The following ALK variants were observed in gnomAD, a reference collection of about 807,000 sequenced individuals.
ALK encodes ALK receptor tyrosine kinase, also known as ALK tyrosine kinase receptor.
In ALK, 74 loss-of-function variants were observed where a neutral mutation model predicts 163.1. That is an observed-to-expected ratio of 0.45 (90% CI 0.38 to 0.55). The LOEUF is 0.55. ALK is among the 20% of genes least tolerant of loss of function. The pLI is 0.00. For missense variants in ALK, 2,063 were observed against 2,105.3 expected, an observed-to-expected ratio of 0.98 and a Z score of 0.39; for synonymous variants, 960 against 843.2, an observed-to-expected ratio of 1.14 and a Z score of -2.40.
chr2:29,474,828 G>T (rs1671464251), intron 4 of ALK, among the ~76,000 whole-genome samples: 1 of 152,160 alleles, frequency 6.6e-6, no homozygotes, highest in African/African-American at 2.4e-5. Flanking sequence ...GGTGGAGCAA[G>T]GGGTGGTTCA....
intron 5 of ALK, among the ~76,000 whole-genome samples, chr2:29,376,082 A>G (rs957066357): frequency 6.6e-6 from 1 of 152,004 alleles, no homozygotes; most frequent in Non-Finnish European, 1.5e-5. Flanking sequence ...CAGCCCCAAG[A>G]TAACCTCTCC....
At chr2:29,648,195 A>G (rs995050438) in intron 3 of ALK, among the ~76,000 whole-genome samples, 2 of 152,120 alleles carry the variant, frequency 1.3e-5, no homozygotes, top group Non-Finnish European at 2.9e-5. Flanking sequence ...AGGTTTAAAC[A>G]TTTTTTAATT....
At chr2:29,776,392 T>C (rs1350858858) in intron 1 of ALK, among the ~76,000 whole-genome samples, 1 of 21,944 alleles carries the variant, frequency 4.6e-5, no homozygotes, top group African/African-American at 5.6e-5. Flanking sequence ...ATCCTAACCT[T>C]GATTCAGCGT....
At chr2:29,704,019 A>C (rs374216013) in intron 2 of ALK, among the ~76,000 whole-genome samples, 6 of 152,288 alleles carry the variant, frequency 3.9e-5, no homozygotes, top group African/African-American at 1.4e-4. Flanking sequence ...GGCTTCACTT[A>C]CTGGCCCCTC....
At chr2:29,339,587 G>A (rs552100484) in intron 5 of ALK, among the ~76,000 whole-genome samples, 12 of 152,300 alleles carry the variant, frequency 7.9e-5, no homozygotes, top group East Asian at 1.9e-4. Flanking sequence ...GAGTGATTCC[G>A]GAAGAATGGA....
chr2:29,703,568 A>G (rs1219507493), intron 2 of ALK, among the ~76,000 whole-genome samples: 1 of 152,178 alleles, frequency 6.6e-6, no homozygotes, highest in African/African-American at 2.4e-5. Context: ...GAATGGAGAA[A>G]TTCCCAAAGC....
rs186148358 is a variant in ALK at position 29,301,481 on chromosome 2, T to C, written c.1648-4424A>G. Among the ~76,000 whole-genome samples, 23 of 152,322 alleles carry C rather than the reference T, an allele frequency of 1.5e-4. No homozygotes were observed. The East Asian group carries it at 3.9e-3, about 26-fold the overall frequency. ...GCATGAATAAAATTGCATATCTATATAGGGAGACACTCTCATCTTTGCCAG... is the reference window on the plus strand; with the variant it reads ...GCATGAATAAAATTGCATATCTATACAGGGAGACACTCTCATCTTTGCCAG... On this transcript the variant is annotated intron_variant, in intron 8 of 28. Transcript: ENST00000389048.
chr2:29,359,273 C>T (rs1668332675), intron 5 of ALK, among the ~76,000 whole-genome samples: 1 of 152,198 alleles, frequency 6.6e-6, no homozygotes, highest in Admixed American at 6.5e-5. Flanking sequence ...GCCAATGCCC[C>T]TCCCTTGAAG....
chr2:29,640,268 C>T (rs543828759), intron 3 of ALK, among the ~76,000 whole-genome samples: 4 of 152,288 alleles, frequency 2.6e-5, no homozygotes, highest in South Asian at 2.1e-4. Flanking sequence ...GAACAGTAAT[C>T]GCCAATGTTG....
chr2:29,859,168 G>C (rs953253814), intron 1 of ALK, among the ~76,000 whole-genome samples: 1 of 152,212 alleles, frequency 6.6e-6, no homozygotes, highest in African/African-American at 2.4e-5. Flanking sequence ...CTGGGGCTAG[G>C]AATTGGATTT....
At chr2:29,695,222 G>A (rs530118153) in intron 2 of ALK, among the ~76,000 whole-genome samples, 7 of 152,136 alleles carry the variant, frequency 4.6e-5, no homozygotes, top group South Asian at 2.1e-4. Context: ...CTCATATTAC[G>A]GGAGATGTTC....
At chr2:29,404,830 A>T (rs540502475) in intron 4 of ALK, among the ~76,000 whole-genome samples, 5 of 152,230 alleles carry the variant, frequency 3.3e-5, no homozygotes, top group Non-Finnish European at 5.9e-5. Flanking sequence ...GGGAAAGAGA[A>T]AACTGAAGAA....
At chr2:29,824,200 T>G (rs1665131623) in intron 1 of ALK, among the ~76,000 whole-genome samples, 1 of 152,222 alleles carries the variant, frequency 6.6e-6, no homozygotes, top group Non-Finnish European at 1.5e-5. Context: ...TGGGAACCTC[T>G]GCCTAGATTT....
intron 4 of ALK, among the ~76,000 whole-genome samples, chr2:29,453,706 G>A (rs1299449077): frequency 1.3e-5 from 2 of 152,096 alleles, no homozygotes; most frequent in Non-Finnish European, 2.9e-5. Context: ...GAAAAGAGGA[G>A]CTGATAAAGG....
chr2:29,753,796 G>C (rs1680440624), intron 1 of ALK, among the ~76,000 whole-genome samples: 1 of 152,138 alleles, frequency 6.6e-6, no homozygotes, highest in Non-Finnish European at 1.5e-5. Flanking sequence ...AACTTTTTCT[G>C]GTCAGTTTTT....
Position 29,920,021 on chromosome 2 carries a change from G to T in ALK, c.639C>A (p.Pro213=). 1 of 1,614,144 alleles carries T rather than the reference G, an allele frequency of 6.2e-7. No homozygotes were observed. The highest frequency in any genetic ancestry group is 8.5e-7 in the Non-Finnish European group (1 of 1,180,030). Residue 213 remains proline, a synonymous_variant, in exon 1 of 29, where the codon CCC becomes CCA. Coordinates refer to ENST00000389048, the MANE Select transcript of ALK (RefSeq NM_004304.5). ...TCCCGAAGATCTGGAAGAGAAGGCGGGGCTGGGAGGCGCGAATTGCCGCGG... is the reference window on the plus strand; with the variant it reads ...TCCCGAAGATCTGGAAGAGAAGGCGTGGCTGGGAGGCGCGAATTGCCGCGG... ...RLSAAIRASQ[P]RLLFQIFGTG...
intron 1 of ALK, among the ~76,000 whole-genome samples, chr2:29,893,725 A>AT (rs1667203357): frequency 6.6e-6 from 1 of 152,174 alleles, no homozygotes; most frequent in Admixed American, 6.5e-5. Context: ...TTTCCATAAT[A>AT]TCTGTAATAA....
chr2:29,538,808 A>C (rs991647093), intron 3 of ALK, among the ~76,000 whole-genome samples: 1 of 152,146 alleles, frequency 6.6e-6, no homozygotes, highest in Non-Finnish European at 1.5e-5. Flanking sequence ...TTTTCCTTGC[A>C]GGTGTGACAA....
chr2:29,468,145 C>CA (rs1335721348), intron 4 of ALK, among the ~76,000 whole-genome samples: 1 of 151,998 alleles, frequency 6.6e-6, no homozygotes, highest in Non-Finnish European at 1.5e-5. Context: ...TCTCTTGCTT[C>CA]AGCCTTCCAA....
Sources: gnomAD v4.1 joint callset for allele counts (sites outside exome capture counted in the v4.1 genomes callset) on GRCh38, gnomAD v4.1.1 for gene constraint, MANE v1.5 for transcripts, NCBI Gene and HGNC (gene_info 2026-07-23, HGNC 2026-07-21) for gene names.